The following KCNQ3 variants were observed in gnomAD, a reference collection of about 807,000 sequenced individuals.
KCNQ3 encodes the protein potassium voltage-gated channel subfamily Q member 3.
Under a neutral mutation model 92.5 loss-of-function variants are expected in KCNQ3, and 30 were observed. The observed-to-expected ratio is 0.32, with a 90% confidence interval of 0.24 to 0.44. KCNQ3 has a LOEUF of 0.44. KCNQ3 is among the 20% of genes least tolerant of loss of function. The pLI is 1.00. For synonymous variants in KCNQ3, 450 were observed against 468.8 expected (o/e 0.96, Z 0.52); for missense variants, 913 against 1,140.3 (o/e 0.80, Z 2.87).
rs186647120 is a variant in KCNQ3, at chr8:132,171,089, T to C, written c.1141-661A>G. On this transcript the variant is annotated intron_variant, in intron 7 of 14. Coordinates refer to ENST00000388996, the MANE Select transcript of KCNQ3 (RefSeq NM_004519.4). ...GTGCCACTCTTTCCAGAAGATTCCC[T>C]GAGACTTCTCAGTCAAATATATAGG... Among the ~76,000 whole-genome samples, 132 of 152,294 alleles carry C rather than the reference T, an allele frequency of 8.7e-4. 1 individual carries two copies. The highest frequency in any genetic ancestry group is 3.2e-3 in the African/African-American group (131 of 41,570).
rs1820321019 is a variant in KCNQ3, at chr8:132,401,122, C to T, written c.386+79025G>A. Among the ~76,000 whole-genome samples, 7 of 152,270 alleles carry T rather than the reference C, an allele frequency of 4.6e-5. No individual in the cohort carries two copies. The South Asian group carries it at 1.5e-3, about 32-fold the overall frequency. The stretch of plus-strand genomic sequence containing the variant: ...ACCAGGCGGCAAATCTACATATGAA[C>T]CCCTGCCTCAGAAACTACTAGAAAC... On this transcript the variant is annotated intron_variant, in intron 1 of 14. Coordinates refer to ENST00000388996, the MANE Select transcript of KCNQ3 (RefSeq NM_004519.4).
At chr8:132,185,897 T>G (rs1826941263) in intron 2 of KCNQ3, among the ~76,000 whole-genome samples, 194 bp downstream of exon 2, 1 of 152,226 alleles carries the variant, frequency 6.6e-6, no homozygotes, top group African/African-American at 2.4e-5. Context: ...TTACCAGGAA[T>G]GCCATTCTTC....
chr8:132,356,623 G>A (rs1037113752), intron 1 of KCNQ3, among the ~76,000 whole-genome samples: 1 of 152,078 alleles, frequency 6.6e-6, no homozygotes, highest in Non-Finnish European at 1.5e-5. Context: ...TATAATTATC[G>A]GCAACAAAGC....
At chr8:132,313,882 T>G (rs943975537) in intron 1 of KCNQ3, among the ~76,000 whole-genome samples, 1 of 152,156 alleles carries the variant, frequency 6.6e-6, no homozygotes, top group African/African-American at 2.4e-5. Flanking sequence ...CATGCACTGG[T>G]TAACACTTAA....
intron 1 of KCNQ3, among the ~76,000 whole-genome samples, chr8:132,298,925 A>G (rs528726255): frequency 9.9e-5 from 15 of 152,136 alleles, no homozygotes; most frequent in Middle Eastern, 3.4e-3. Flanking sequence ...AAACAAAAAG[A>G]ATTACTCACT....
Position 132,480,657 on chromosome 8 carries a change from C to T in KCNQ3, c.-125G>A, listed in dbSNP as rs1822538936. ...CCGGGAACTCCAATGCCATGATCCG[C>T]GCGCCCCTCCCCACCCCCCCCCAAA... On this transcript the variant is annotated 5_prime_UTR_variant, in exon 1 of 15. Coordinates refer to ENST00000388996, the MANE Select transcript of KCNQ3 (RefSeq NM_004519.4). The T allele has an allele frequency of 2.9e-6, 3 of 1,017,208 alleles. No individual in the cohort carries two copies. The highest frequency in any genetic ancestry group is 2.6e-5 in the South Asian group (1 of 38,576). 63.0% of individuals were successfully genotyped at this position (1,017,208 alleles called of 1,614,324 possible). A position where few individuals can be genotyped will look rare whatever the true frequency, so the allele number is the denominator to read the frequency against.
intron 9 of KCNQ3, among the ~76,000 whole-genome samples, chr8:132,141,994 A>C (rs2130945860): frequency 6.6e-6 from 1 of 152,350 alleles, no homozygotes; most frequent in South Asian, 2.1e-4. Context: ...ATAATTTTAT[A>C]TCCTGTTATT....
chr8:132,479,763 A>G (rs1486794290), intron 1 of KCNQ3, among the ~76,000 whole-genome samples: 1 of 151,792 alleles, frequency 6.6e-6, no homozygotes, highest in Non-Finnish European at 1.5e-5. Flanking sequence ...TCACGGGAGG[A>G]CCCGCTTTAT....
intron 1 of KCNQ3, among the ~76,000 whole-genome samples, chr8:132,276,266 C>T (rs1340713546): frequency 1.3e-5 from 2 of 152,168 alleles, no homozygotes; most frequent in African/African-American, 2.4e-5. Context: ...TCTCAAGGCT[C>T]GTGCCTACTC....
intron 1 of KCNQ3, among the ~76,000 whole-genome samples, chr8:132,241,821 C>T (rs1333055087): frequency 1.3e-5 from 2 of 151,842 alleles, no homozygotes; most frequent in Non-Finnish European, 2.9e-5. Context: ...GCGACAAGAG[C>T]GAGACTCCGT....
chr8:132,216,816 T>TA (rs1390562426), intron 1 of KCNQ3, among the ~76,000 whole-genome samples: 15 of 152,136 alleles, frequency 9.9e-5, no homozygotes, highest in Non-Finnish European at 2.9e-5. Flanking sequence ...GGGCACCTGT[T>TA]AGAGTCATGT....
At chr8:132,323,885 C>A (rs1047576566) in intron 1 of KCNQ3, among the ~76,000 whole-genome samples, 1 of 152,166 alleles carries the variant, frequency 6.6e-6, no homozygotes, top group Non-Finnish European at 1.5e-5. Context: ...ACTTAATATG[C>A]TTTCATCACC....
intron 1 of KCNQ3, among the ~76,000 whole-genome samples, chr8:132,271,427 T>G (rs1816144522): frequency 6.6e-6 from 1 of 152,244 alleles, no homozygotes; most frequent in South Asian, 2.1e-4. Context: ...TTTTATTTAT[T>G]TATTTAATTT....
intron 7 of KCNQ3, among the ~76,000 whole-genome samples, chr8:132,171,862 T>TA (rs1826372733): frequency 6.6e-6 from 1 of 151,780 alleles, no homozygotes; most frequent in Admixed American, 6.6e-5. Context: ...ACACCATCAG[T>TA]AAAAAAGCTG....
intron 1 of KCNQ3, among the ~76,000 whole-genome samples, chr8:132,229,900 G>A (rs1020341379): frequency 2.6e-5 from 4 of 152,150 alleles, no homozygotes; most frequent in African/African-American, 9.7e-5. Context: ...CGTGGTGGAA[G>A]GGAGCTGGCA....
chr8:132,413,015 C>T (rs903707127), intron 1 of KCNQ3, among the ~76,000 whole-genome samples: 1 of 152,198 alleles, frequency 6.6e-6, no homozygotes, highest in South Asian at 2.1e-4. Context: ...ACTAGGCTCT[C>T]AAGAAGTATT....
At chr8:132,179,608 C>A (rs1051583870) in intron 4 of KCNQ3, among the ~76,000 whole-genome samples, 2 of 152,166 alleles carry the variant, frequency 1.3e-5, no homozygotes, top group Admixed American at 1.3e-4. Flanking sequence ...AGCTTGGTAC[C>A]TTCTAAGTGC....
At position 132,188,372 on chromosome 8, in the gene KCNQ3, A is replaced by G. The variant is rs532447757; in HGVS notation, c.387-2191T>C. Among the ~76,000 whole-genome samples the G allele has an allele frequency of 2.6e-5, 4 of 152,330 alleles. No homozygotes were observed. In the East Asian group the frequency reaches 7.7e-4, roughly 29 times the overall value. On this transcript the variant is annotated intron_variant, in intron 1 of 14. Transcript: ENST00000388996. ...CTTAATCACTCTCAGAAGATTCTGCAAGTCCACATTATGATTCTCTCAAGA... is the reference window on the plus strand; with the variant it reads ...CTTAATCACTCTCAGAAGATTCTGCGAGTCCACATTATGATTCTCTCAAGA...
intron 1 of KCNQ3, among the ~76,000 whole-genome samples, chr8:132,431,907 G>T (rs906908042): frequency 1.3e-5 from 2 of 152,144 alleles, no homozygotes; most frequent in Non-Finnish European, 2.9e-5. Context: ...CTGGGTCCGG[G>T]GGCCTGGATT....
Sources: gnomAD v4.1 joint callset for allele counts (sites outside exome capture counted in the v4.1 genomes callset) on GRCh38, gnomAD v4.1.1 for gene constraint, MANE v1.5 for transcripts, NCBI Gene and HGNC (gene_info 2026-07-23, HGNC 2026-07-21) for gene names.